The following SLCO1B1 variants were observed in gnomAD, a reference collection of about 807,000 sequenced individuals.
The protein encoded by SLCO1B1 is solute carrier organic anion transporter family member 1B1, also known as OATP-2.
A neutral mutation model predicts 70.1 loss-of-function variants in SLCO1B1; 81 were observed. That is an observed-to-expected ratio of 1.16 (90% CI 0.97 to 1.39). The LOEUF (loss-of-function observed/expected upper bound fraction) is 1.39. Among genes scored for constraint, SLCO1B1 ranks in the 40% most tolerant of loss-of-function variants. SLCO1B1 has a pLI of 0.00. For missense variants in SLCO1B1, 895 were observed against 799.6 expected, an observed-to-expected ratio of 1.12 and a Z score of -1.44; for synonymous variants, 283 against 271.5, an observed-to-expected ratio of 1.04 and a Z score of -0.42.
At chr12:21,165,976 A>G (rs1819764260) in intron 2 of SLCO1B1, among the ~76,000 whole-genome samples, 1 of 152,140 alleles carries the variant, frequency 6.6e-6, no homozygotes, top group African/African-American at 2.4e-5. Context: ...TGAAGATAAG[A>G]CAATTGAAAT....
chr12:21,168,922 T>C (rs1204671264), intron 2 of SLCO1B1, among the ~76,000 whole-genome samples: 1 of 152,226 alleles, frequency 6.6e-6, no homozygotes, highest in Non-Finnish European at 1.5e-5. Flanking sequence ...TGCCTGTGCT[T>C]TTTGTATCAC....
In SLCO1B1 at chr12:21,202,571, G is replaced by A; in HGVS notation, c.1216G>A (p.Gly406Arg). The A allele has an allele frequency of 6.2e-7, 1 of 1,611,822 alleles. No individual in the cohort carries two copies. Among genetic ancestry groups the A allele is most frequent in the Non-Finnish European group, 8.5e-7 (1 of 1,178,758 alleles). The change falls in exon 10 of 15, where the codon GGA (glycine) becomes AGA (arginine). Residue 406 changes from glycine to arginine, a missense_variant. By Grantham distance (125) the Gly-to-Arg change is moderately radical. Transcript: ENST00000256958. ...TAAAAAATTCAAACTGAACACCGTT[G>A]GAATTGCCAAATTCTCATGTTTTAC... is the stretch of plus-strand genomic sequence containing the variant. ...IIKKFKLNTV[G>R]IAKFSCFTAV... is the part of the protein sequence containing the mutation.
intron 1 of SLCO1B1, 121 bp from the exon 2 acceptor site, chr12:21,141,393 A>G: frequency 4.3e-6 from 2 of 460,816 alleles, no homozygotes; most frequent in South Asian, 2.3e-5. Flanking sequence ...GTAACGACAT[A>G]GTAGACCCTG....
chr12:21,137,929 T>G (rs561448109), intron 1 of SLCO1B1, among the ~76,000 whole-genome samples: 2 of 152,348 alleles, frequency 1.3e-5, no homozygotes, highest in Admixed American at 6.5e-5. Context: ...TCTGTGTTGC[T>G]CATGCTGGGA....
intron 11 of SLCO1B1, among the ~76,000 whole-genome samples, chr12:21,211,685 T>C (rs1275813857): frequency 6.6e-6 from 1 of 151,956 alleles, no homozygotes; most frequent in Non-Finnish European, 1.5e-5. Flanking sequence ...TGAATCCATC[T>C]GGTCCTGGAC....
At chr12:21,208,495 T>G (rs942977178) in intron 11 of SLCO1B1, among the ~76,000 whole-genome samples, 6 of 152,084 alleles carry the variant, frequency 3.9e-5, no homozygotes, top group African/African-American at 1.4e-4. Context: ...TAGGTGTCTG[T>G]TTTTGAACCA....
chr12:21,131,276 T>C (rs1033195588), intron 1 of SLCO1B1, 40 bp downstream of exon 1: 3 of 152,062 alleles, frequency 2.0e-5, no homozygotes, highest in Non-Finnish European at 1.5e-5. Context: ...ACATATATTT[T>C]ATGTAAGAAA....
At chr12:21,206,169 G>A (rs913268974) in intron 11 of SLCO1B1, 136 bp downstream of exon 11, 40 of 699,790 alleles carry the variant, frequency 5.7e-5, no homozygotes, top group Non-Finnish European at 9.4e-5. Flanking sequence ...ATCTGTTATT[G>A]TGATGGGTGT....
At position 21,160,629 on chromosome 12, in the gene SLCO1B1, G is replaced by A. The variant is rs147768436; in HGVS notation, c.85-12021G>A. On this transcript the variant is annotated intron_variant, in intron 2 of 14. Transcript: ENST00000256958. ...CAAAGATTTCATGACAAATGACACC[G>A]AAAGCAATCAAAACAAAAGCAAATA... Among the ~76,000 whole-genome samples, 94 of 151,920 alleles carry A rather than the reference G, an allele frequency of 6.2e-4. 1 individual carries two copies. The highest frequency in any genetic ancestry group is 1.9e-3 in the African/African-American group (80 of 41,462).
intron 7 of SLCO1B1, among the ~76,000 whole-genome samples, chr12:21,179,971 C>T (rs1417661012): frequency 6.6e-6 from 1 of 152,128 alleles, no homozygotes; most frequent in Non-Finnish European, 1.5e-5. Context: ...CACCTCCCAT[C>T]CACTTCTAAA....
intron 14 of SLCO1B1, among the ~76,000 whole-genome samples, chr12:21,235,132 G>GC (rs35515882): frequency 0.12 from 18,131 of 145,536 alleles, 1,488 homozygotes; most frequent in Non-Finnish European, 0.18. Flanking sequence ...CCTGCCTAGT[G>GC]CTGTCAGTCT....
At chr12:21,147,873 G>C (rs2121052436) in intron 2 of SLCO1B1, among the ~76,000 whole-genome samples, 1 of 152,318 alleles carries the variant, frequency 6.6e-6, no homozygotes, top group African/African-American at 2.4e-5. Flanking sequence ...TCCAGCATCT[G>C]TTGTTTCCTG....
chr12:21,196,661 T>C (rs1418885762), intron 7 of SLCO1B1, among the ~76,000 whole-genome samples: 2 of 152,180 alleles, frequency 1.3e-5, no homozygotes, highest in East Asian at 3.9e-4. Context: ...CAAGCTTAAA[T>C]GTCCAGTGAT....
intron 2 of SLCO1B1, among the ~76,000 whole-genome samples, chr12:21,144,107 A>C (rs1258720709): frequency 6.6e-6 from 1 of 152,104 alleles, no homozygotes; most frequent in Non-Finnish European, 1.5e-5. Context: ...TACACTTGTC[A>C]TTTCTTCTCT....
chr12:21,229,297 T>TC (rs11454454), intron 14 of SLCO1B1, among the ~76,000 whole-genome samples: 53,057 of 151,698 alleles, frequency 0.35, 9,525 homozygotes, highest in East Asian at 0.45. Context: ...CATTGTACTT[T>TC]TATGGGTTTG....
intron 7 of SLCO1B1, among the ~76,000 whole-genome samples, chr12:21,186,067 CA>C (rs551878609): frequency 1.3e-5 from 2 of 149,994 alleles, no homozygotes; most frequent in Non-Finnish European, 3.0e-5. Flanking sequence ...ACCTACTGAC[CA>C]AAAAAAAAGC....
At chr12:21,209,779 T>C (rs1201510609) in intron 11 of SLCO1B1, among the ~76,000 whole-genome samples, 3 of 151,472 alleles carry the variant, frequency 2.0e-5, no homozygotes, top group Non-Finnish European at 4.4e-5. Flanking sequence ...TATCTCATTG[T>C]GGTTTTGATT....
At chr12:21,202,966 G>A (rs1047343443) in intron 10 of SLCO1B1, among the ~76,000 whole-genome samples, 1 of 151,874 alleles carries the variant, frequency 6.6e-6, no homozygotes, top group South Asian at 2.1e-4. Flanking sequence ...TTTATGAATG[G>A]GAAAAGTAAG....
At chr12:21,195,411 T>C (rs1941080076) in intron 7 of SLCO1B1, among the ~76,000 whole-genome samples, 1 of 152,076 alleles carries the variant, frequency 6.6e-6, no homozygotes, top group African/African-American at 2.4e-5. Flanking sequence ...CTGAGGTGTT[T>C]TCTTTGTTTT....
Sources: gnomAD v4.1 joint callset for allele counts (sites outside exome capture counted in the v4.1 genomes callset) on GRCh38, gnomAD v4.1.1 for gene constraint, MANE v1.5 for transcripts, NCBI Gene and HGNC (gene_info 2026-07-23, HGNC 2026-07-21) for gene names.